The following RHOT1 variants were observed in gnomAD, a reference collection of about 807,000 sequenced individuals.
RHOT1 encodes the protein ras homolog family member T1.
Under a neutral mutation model 95.3 loss-of-function variants are expected in RHOT1, and 27 were observed. That is an observed-to-expected ratio of 0.28 (90% CI 0.21 to 0.39). RHOT1 has a LOEUF of 0.39. RHOT1 is among the 10% of genes least tolerant of loss of function. RHOT1 has a pLI of 1.00. For synonymous variants in RHOT1, 227 were observed against 263.5 expected (o/e 0.86, Z 1.34); for missense variants, 578 against 786.7 (o/e 0.73, Z 3.17).
intron 1 of RHOT1, among the ~76,000 whole-genome samples, chr17:32,148,247 AGAGT>A (rs150662091): frequency 0.038 from 5,763 of 152,284 alleles, 363 homozygotes; most frequent in African/African-American, 0.13. Flanking sequence ...CCTGGGTGAC[AGAGT>A]GAGACTCCCA....
At chr17:32,211,990 TG>T (rs2038166981) in intron 19 of RHOT1, among the ~76,000 whole-genome samples, 1 of 152,234 alleles carries the variant, frequency 6.6e-6, no homozygotes, top group Non-Finnish European at 1.5e-5. Context: ...ATGCTACCTT[TG>T]TTCAAATCAG....
chr17:32,154,842 C>T (rs2032770241), intron 1 of RHOT1, among the ~76,000 whole-genome samples: 1 of 151,510 alleles, frequency 6.6e-6, no homozygotes, highest in Non-Finnish European at 1.5e-5. Context: ...TTGCAGTGAG[C>T]CGTGATCGTG....
intron 19 of RHOT1, among the ~76,000 whole-genome samples, chr17:32,221,662 A>G (rs73979011): frequency 9.8e-4 from 149 of 152,352 alleles, no homozygotes; most frequent in African/African-American, 3.5e-3. Flanking sequence ...TTAAACAGCT[A>G]CTGTGACATT....
Position 32,142,729 on chromosome 17 carries a change from C to T in RHOT1, c.37C>T (p.Pro13Ser), listed in dbSNP as rs770426255. Reference sequence around the variant, plus strand: ...CGTGCGGATCCTGCTGGTGGGAGAACGTGAGTCCGCACCCTCTGGCCGGCC... The same window carrying T: ...CGTGCGGATCCTGCTGGTGGGAGAATGTGAGTCCGCACCCTCTGGCCGGCC... ...KDVRILLVGE[P>S]RVGKTSLIMS... The change falls in exon 1 of 20, where the codon CCT (proline) becomes TCT (serine). Residue 13 changes from proline (P) to serine (S), a missense_variant and splice_region_variant. Physicochemically the swap from Pro to Ser is moderately conservative, Grantham distance 74 (BLOSUM62 -1). Transcript: ENST00000545287. 3.9e-6 allele frequency: 6 copies of T among 1,519,068 alleles called. No individual in the cohort carries two copies. The East Asian group carries it at 9.9e-5, about 25-fold the overall frequency. 94.1% of individuals were successfully genotyped at this position (1,519,068 alleles called of 1,614,324 possible).
At position 32,200,671 on chromosome 17, in the gene RHOT1, A is replaced by G. The variant is rs13380806; in HGVS notation, c.1101-285A>G. Among the ~76,000 whole-genome samples the G allele has an allele frequency of 4.9e-3, 750 of 152,008 alleles. 7 individuals are homozygous for G. Among genetic ancestry groups the G allele is most frequent in the African/African-American group, 0.017 (693 of 41,440 alleles). The stretch of plus-strand genomic sequence containing the variant: ...TGCCTGTAGTCCCAGATACTTGGGG[A>G]GCTGATGCAGGAAGATCACTTGCAC... On this transcript the variant is annotated intron_variant, in intron 13 of 19. Transcript: ENST00000545287.
chr17:32,222,400 G>T (rs909905016), intron 19 of RHOT1, among the ~76,000 whole-genome samples: 3 of 152,066 alleles, frequency 2.0e-5, no homozygotes, highest in Admixed American at 6.6e-5. Flanking sequence ...GAATACTTAT[G>T]GTTACTACGT....
chr17:32,220,840 C>T (rs1240910577), intron 19 of RHOT1, among the ~76,000 whole-genome samples: 3 of 150,892 alleles, frequency 2.0e-5, no homozygotes, highest in Admixed American at 2.0e-4. Context: ...AAGGAAATAC[C>T]TGACCTTTTA....
chr17:32,143,766 A>G (rs2030831847), intron 1 of RHOT1, among the ~76,000 whole-genome samples: 1 of 152,250 alleles, frequency 6.6e-6, no homozygotes. Flanking sequence ...TTAAAGAGTT[A>G]ATACATTCGT....
At chr17:32,199,577 C>G (rs1567710950) in intron 13 of RHOT1, 27 bp downstream of exon 13, 2 of 1,546,606 alleles carry the variant, frequency 1.3e-6, no homozygotes, top group South Asian at 1.2e-5. Flanking sequence ...CCTCTTTCCT[C>G]TAGAGTTACA....
At chr17:32,203,755 G>T in intron 15 of RHOT1, 135 bp from the exon 16 acceptor site, 2 of 652,836 alleles carry the variant, frequency 3.1e-6, no homozygotes, top group Non-Finnish European at 2.7e-6. Flanking sequence ...TATCTCCTTT[G>T]TACTGATAAA....
Position 32,192,268 on chromosome 17 carries a change from C to T in RHOT1, c.608C>T (p.Thr203Ile). ...ATATCTGATCAAGATAATGATGGTA[C>T]TCTCAATGATGCTGAACTCAACTTC... The part of the protein sequence containing the change: ...FKISDQDNDG[T>I]LNDAELNFFQ... The change falls in exon 9 of 20, where the codon ACT becomes ATT. Residue 203 changes from threonine (T) to isoleucine (I), a missense_variant. Physicochemically the swap from Thr to Ile is moderately conservative, Grantham distance 89 (BLOSUM62 -1). This residue lies in a region of RHOT1 where 227 missense variants were observed against 316.0 expected (regional missense o/e 0.72). Coordinates refer to ENST00000545287, the MANE Select transcript of RHOT1 (RefSeq NM_001033566.3). 6.3e-7 allele frequency: 1 copy of T among 1,582,538 alleles called. No homozygotes were observed. Among genetic ancestry groups the T allele is most frequent in the Middle Eastern group, 1.7e-4 (1 of 5,990 alleles).
intron 19 of RHOT1, among the ~76,000 whole-genome samples, chr17:32,223,777 T>C (rs1218981708): frequency 6.6e-6 from 1 of 152,212 alleles, no homozygotes; most frequent in Non-Finnish European, 1.5e-5. Context: ...TTCAGTGACA[T>C]TTAAATAAAA....
intron 19 of RHOT1, chr17:32,211,581 A>G (rs72827712): frequency 0.083 from 14,283 of 171,694 alleles, 746 homozygotes; most frequent in Middle Eastern, 0.12. Context: ...TAAAGAAAAG[A>G]CACATTAATC....
rs1353197907 is a variant in RHOT1, at chr17:32,208,240, T to A, written c.1670T>A (p.Phe557Tyr). 3 of 1,613,972 alleles carry A rather than the reference T, an allele frequency of 1.9e-6. No individual in the cohort carries two copies. The African/African-American group carries it at 4.0e-5, about 22-fold the overall frequency. Residue 557 changes from phenylalanine to tyrosine, a missense_variant, in exon 18 of 20, where the codon TTC (phenylalanine) becomes TAC (tyrosine). Coordinates refer to ENST00000545287, the MANE Select transcript of RHOT1 (RefSeq NM_001033566.3). ...CACAAAATGCCTCCACCACAAGCCT[T>A]CACTTGCAATACTGCTGATGCCCCC... The part of the protein sequence containing the change: ...RKHKMPPPQA[F>Y]TCNTADAPSK...
chr17:32,142,917 G>T, intron 1 of RHOT1, 188 bp downstream of exon 1: 1 of 725,400 alleles, frequency 1.4e-6, no homozygotes, highest in Non-Finnish European at 2.5e-6. Context: ...TTGGCTGGCC[G>T]CCGGCGGCCC....
chr17:32,172,414 A>AT (rs1156355345), intron 2 of RHOT1, among the ~76,000 whole-genome samples: 1 of 152,192 alleles, frequency 6.6e-6, no homozygotes, highest in Non-Finnish European at 1.5e-5. Flanking sequence ...TTGATTGTGG[A>AT]TAAGGGTTTT....
At chr17:32,151,368 C>T (rs1342722106) in intron 1 of RHOT1, 4 of 609,778 alleles carry the variant, frequency 6.6e-6, no homozygotes, top group African/African-American at 1.9e-5. Context: ...GCCAAGACTG[C>T]ACCACTGCAC....
chr17:32,163,350 A>G (rs2033735642), intron 1 of RHOT1, among the ~76,000 whole-genome samples: 1 of 152,228 alleles, frequency 6.6e-6, no homozygotes. Context: ...GGAAAATTTG[A>G]CAGATCTTGA....
intron 1 of RHOT1, among the ~76,000 whole-genome samples, chr17:32,146,385 C>G (rs1371104425): frequency 6.6e-6 from 1 of 152,092 alleles, no homozygotes; most frequent in Non-Finnish European, 1.5e-5. Flanking sequence ...TCCTTGTTTT[C>G]CAAACCACTC....
Sources: allele counts gnomAD v4.1 joint callset (sites outside exome capture counted in the v4.1 genomes callset), GRCh38; gene constraint gnomAD v4.1.1; regional missense constraint gnomAD v4.1.1; transcripts MANE v1.5; gene names NCBI Gene and HGNC (gene_info 2026-07-23, HGNC 2026-07-21).